RC3H2: variants seen among roughly 807,000 people sequenced by gnomAD.
The protein encoded by RC3H2 is roquin-2.
In RC3H2, 31 loss-of-function variants were observed where a neutral mutation model predicts 133.3. The observed-to-expected ratio is 0.23, with a 90% CI of 0.17 to 0.31. The LOEUF (loss-of-function observed/expected upper bound fraction) is 0.31. Among genes scored for constraint, RC3H2 ranks in the 10% least tolerant of loss-of-function variants. RC3H2 has a pLI of 1.00. For synonymous variants in RC3H2, 517 were observed against 502.2 expected (o/e 1.03, Z -0.40); for missense variants, 1,175 against 1,437.2 (o/e 0.82, Z 2.95).
intron 6 of RC3H2, 187 bp from the exon 7 acceptor site, chr9:122,880,312 G>A (rs1227901397): frequency 1.2e-6 from 1 of 837,728 alleles, no homozygotes; most frequent in Non-Finnish European, 2.0e-6. Flanking sequence ...TAGACACTTA[G>A]AAAACTTATA....
intron 2 of RC3H2, among the ~76,000 whole-genome samples, chr9:122,896,907 T>C (rs10818761): frequency 0.23 from 33,993 of 150,940 alleles, 5,166 homozygotes; most frequent in East Asian, 0.65. Context: ...GGGCCTATAG[T>C]CCCAGCTACT....
At chr9:122,895,153 T>C (rs976913010) in intron 2 of RC3H2, among the ~76,000 whole-genome samples, 2 of 151,492 alleles carry the variant, frequency 1.3e-5, no homozygotes, top group African/African-American at 4.9e-5. Flanking sequence ...AAATAAATGG[T>C]AGCTAGGTTT....
rs779339934 is a variant in RC3H2 at position 122,851,424 on chromosome 9, A to C, written c.3130T>G (p.Tyr1044Asp). The C allele has an allele frequency of 1.2e-6, 2 of 1,613,836 alleles. No individual in the cohort carries two copies. Among genetic ancestry groups the C allele is most frequent in the Non-Finnish European group, 1.7e-6 (2 of 1,179,984 alleles). ...ELRNGELQSD[Y>D]TEDATDTKPD... The stretch of plus-strand genomic sequence containing the variant: ...TTAGTATCTGTTGCATCTTCTGTAT[A>C]ATCACTCTGTAACTAAGAAAAATAC... The change falls in exon 19 of 21, where the codon TAT becomes GAT. Residue 1044 changes from tyrosine (Y) to aspartate (D), a missense_variant. Transcript: ENST00000357244.
intron 5 of RC3H2, among the ~76,000 whole-genome samples, chr9:122,882,591 T>G (rs1341778323): frequency 6.6e-6 from 1 of 152,204 alleles, no homozygotes; most frequent in Non-Finnish European, 1.5e-5. Flanking sequence ...TAAAAACACT[T>G]TAAGGATTCA....
Position 122,860,146 on chromosome 9 carries a change from T to C in RC3H2, c.1635-15A>G. The C allele has an allele frequency of 1.3e-6, 2 of 1,585,992 alleles. No homozygotes were observed. The highest frequency in any genetic ancestry group is 1.7e-6 in the Non-Finnish European group (2 of 1,154,396). On this transcript the variant is annotated splice_polypyrimidine_tract_variant and intron_variant, in intron 10 of 20. Transcript: ENST00000357244. Reference sequence around the variant, plus strand: ...AACCAATTTTACTGGAGAGAAAATTTAACAAAGGGCAAAGGAGAAATCACT... The same window carrying C: ...AACCAATTTTACTGGAGAGAAAATTCAACAAAGGGCAAAGGAGAAATCACT...
intron 9 of RC3H2, among the ~76,000 whole-genome samples, chr9:122,867,260 C>G (rs1426317486): frequency 9.5e-5 from 10 of 105,682 alleles, no homozygotes; most frequent in East Asian, 2.9e-4. Context: ...CCCGGCCAGC[C>G]GCCCCGTCCG....
chr9:122,893,918 A>G (rs993139234), intron 2 of RC3H2, among the ~76,000 whole-genome samples: 14 of 152,180 alleles, frequency 9.2e-5, no homozygotes, highest in African/African-American at 3.4e-4. Flanking sequence ...CATAATTTCC[A>G]TATCTGCAAA....
intron 9 of RC3H2, among the ~76,000 whole-genome samples, chr9:122,866,154 C>G (rs1414961349): frequency 6.6e-6 from 1 of 152,122 alleles, no homozygotes; most frequent in African/African-American, 2.4e-5. Flanking sequence ...TTAAAAAACT[C>G]ATTCTTAAAC....
At chr9:122,873,977 C>T (rs1366218293) in intron 9 of RC3H2, 1 of 151,986 alleles carries the variant, frequency 6.6e-6, no homozygotes, top group African/African-American at 2.4e-5. Context: ...GCCACCACAC[C>T]CAGCTAACTA....
chr9:122,861,376 G>A (rs1830448369), intron 10 of RC3H2, among the ~76,000 whole-genome samples: 1 of 151,548 alleles, frequency 6.6e-6, no homozygotes, highest in Non-Finnish European at 1.5e-5. Context: ...TGTAATCCCA[G>A]CTACTTGGGA....
At position 122,848,404 on chromosome 9, in the gene RC3H2, G is replaced by A. The variant is rs1276088702; in HGVS notation, c.*1223C>T. On this transcript the variant is annotated 3_prime_UTR_variant, in exon 21 of 21. Transcript: ENST00000357244. Reference sequence around the variant, plus strand: ...GTACAATACCTCCCACAAATCTGATGCATGACTTGTTGAACACATTGTATA... The same window carrying A: ...GTACAATACCTCCCACAAATCTGATACATGACTTGTTGAACACATTGTATA... 1 of 152,154 alleles carries A rather than the reference G, an allele frequency of 6.6e-6. No individual in the cohort carries two copies. The highest frequency in any genetic ancestry group is 1.5e-5 in the Non-Finnish European group (1 of 68,012). The allele number at this position is 152,154 out of a possible 1,614,324, so 9.4% of individuals were successfully genotyped here.
intron 13 of RC3H2, among the ~76,000 whole-genome samples, chr9:122,857,224 A>T (rs1385052485): frequency 6.6e-6 from 1 of 152,220 alleles, no homozygotes; most frequent in Non-Finnish European, 1.5e-5. Flanking sequence ...GATTTTAAAA[A>T]TTTTAATATC....
At chr9:122,853,895 T>G in intron 18 of RC3H2, 57 bp downstream of exon 18, 1 of 1,614,206 alleles carries the variant, frequency 6.2e-7, no homozygotes. Flanking sequence ...ATAACCAAGA[T>G]GCAGCAGCAG....
intron 9 of RC3H2, 119 bp from the exon 10 acceptor site, chr9:122,865,776 T>G: frequency 1.3e-6 from 1 of 781,586 alleles, no homozygotes; most frequent in Non-Finnish European, 2.0e-6. Flanking sequence ...GACAAAAAGT[T>G]TCTTCAGCTA....
At chr9:122,885,256 A>G (rs1008347182) in intron 4 of RC3H2, among the ~76,000 whole-genome samples, 3 of 152,208 alleles carry the variant, frequency 2.0e-5, no homozygotes, top group Admixed American at 2.0e-4. Context: ...AAGAGAGGGA[A>G]AGAATAACAA....
chr9:122,855,830 G>A lies in RC3H2; in HGVS notation c.2503C>T (p.His835Tyr), dbSNP rs371667318. 1.9e-6 allele frequency: 3 copies of A among 1,613,406 alleles called. No homozygotes were observed. Among genetic ancestry groups the A allele is most frequent in the Non-Finnish European group, 2.5e-6 (3 of 1,179,648 alleles). ...GTGCCACAAGACCAGGGAGAATAAT[G>A]GGAAAGATGATCTTCTTCAAATTTT... ...GTKFEEDHLS[H>Y]YSPWSCGTIG... The change falls in exon 14 of 21, where the codon CAT becomes TAT. Residue 835 changes from histidine (H) to tyrosine (Y), a missense_variant. Physicochemically the swap from His to Tyr is moderately conservative, Grantham distance 83. This residue lies in a region of RC3H2 where 490 missense variants were observed against 492.8 expected (regional missense o/e 0.99). Coordinates refer to ENST00000357244, the MANE Select transcript of RC3H2 (RefSeq NM_001100588.3).
At chr9:122,900,254 A>G (rs536478090) in intron 1 of RC3H2, among the ~76,000 whole-genome samples, 45 of 152,262 alleles carry the variant, frequency 3.0e-4, no homozygotes, top group African/African-American at 8.2e-4. Flanking sequence ...ACACTGCCAA[A>G]ATTTTGGCAA....
chr9:122,866,603 C>T (rs1358583155), intron 9 of RC3H2, among the ~76,000 whole-genome samples: 5 of 152,068 alleles, frequency 3.3e-5, no homozygotes, highest in Admixed American at 6.5e-5. Context: ...GACGGGGTTT[C>T]ACTGTGTTGG....
Position 122,877,524 on chromosome 9 carries a change from A to T in RC3H2, c.1272T>A (p.Gly424=). The T allele has an allele frequency of 6.2e-7, 1 of 1,613,874 alleles. No individual in the cohort carries two copies. The highest frequency in any genetic ancestry group is 8.5e-7 in the Non-Finnish European group (1 of 1,179,968). Residue 424 remains glycine, a synonymous_variant, in exon 9 of 21, where the codon GGT becomes GGA. Transcript: ENST00000357244. The stretch of plus-strand genomic sequence containing the variant: ...ATGTACAATTTGTTCCTCGTGGACA[A>T]CCCCCTTGCTGTCGCAAATCTCGGC... The part of the protein sequence containing the change: ...SMCRDLRQQG[G]CPRGTNCTFA...
Sources: gnomAD v4.1 joint callset for allele counts (sites outside exome capture counted in the v4.1 genomes callset) on GRCh38, gnomAD v4.1.1 for gene constraint, gnomAD v4.1.1 regional missense constraint, MANE v1.5 for transcripts, NCBI Gene and HGNC (gene_info 2026-07-23, HGNC 2026-07-21) for gene names.